The following CELA3A variants were observed in gnomAD, a reference collection of about 807,000 sequenced individuals.
The protein encoded by CELA3A is chymotrypsin-like elastase family member 3A.
A neutral mutation model predicts 38.6 loss-of-function variants in CELA3A; 35 were observed. The observed-to-expected ratio is 0.91, with a 90% confidence interval of 0.69 to 1.20. The LOEUF is 1.20. CELA3A is among the 50% of genes most tolerant of loss of function. CELA3A has a pLI of 0.00. For synonymous variants in CELA3A, 143 were observed against 136.7 expected, an observed-to-expected ratio of 1.05 and a Z score of -0.32; for missense variants, 343 against 354.2, an observed-to-expected ratio of 0.97 and a Z score of 0.25.
At chr1:22,010,568 A>T (rs915503612) in intron 7 of CELA3A, 9 of 178,038 alleles carry the variant, frequency 5.1e-5, no homozygotes, top group African/African-American at 2.3e-4. Context: ...GTTAGTCGAG[A>T]TCATACCACT....
chr1:22,006,736 AT>A lies in CELA3A; in HGVS notation c.363-141del. The A allele has an allele frequency of 4.2e-6, 3 of 711,312 alleles. 1 individual carries two copies. Among genetic ancestry groups the A allele is most frequent in the Non-Finnish European group, 6.7e-6 (3 of 450,876 alleles). The allele number at this position is 711,312 out of a possible 1,614,324, so 44.1% of individuals were successfully genotyped here. A position where few individuals can be genotyped will look rare whatever the true frequency, so the allele number is the denominator to read the frequency against. On this transcript the variant is annotated intron_variant, in intron 4 of 7. Coordinates refer to ENST00000290122, the MANE Select transcript of CELA3A (RefSeq NM_005747.5). ...TGTCTCAATAATAATAATAATAATAATAATAATGATGATGAAAGAGTGGATT... is the reference window on the plus strand; with the variant it reads ...TGTCTCAATAATAATAATAATAATAAAATAATGATGATGAAAGAGTGGATT...
rs544146568 is a variant in CELA3A, at chr1:22,005,023, C to G, written c.130-424C>G. 8.0e-5 allele frequency among the ~76,000 whole-genome samples: 12 copies of G among 150,062 alleles called. 2 individuals are homozygous for G. The highest frequency in any genetic ancestry group is 1.3e-4 in the Non-Finnish European group (9 of 67,664). On this transcript the variant is annotated intron_variant, in intron 2 of 7. Transcript: ENST00000290122. ...CTGAGACAGGAGAATCGCTTGAACC[C>G]GGGAGGCGGAGGTTGAAATGAGCTG...
chr1:22,011,260 G>C (rs899469536), intron 7 of CELA3A, among the ~76,000 whole-genome samples: 1 of 148,180 alleles, frequency 6.7e-6, no homozygotes, highest in Admixed American at 6.7e-5. Context: ...GCATGCCTGT[G>C]GTCCCAGCTA....
At position 22,006,975 on chromosome 1, in the gene CELA3A, A is replaced by C. The variant is rs143596163; in HGVS notation, c.460A>C (p.Lys154Gln). 1.1e-4 allele frequency: 176 copies of C among 1,611,234 alleles called. 10 individuals are homozygous for C. In the African/African-American group the frequency reaches 2.0e-3, roughly 18 times the overall value. The part of the protein sequence containing the change: ...LPPAGDILPN[K>Q]TPCYITGWGR... ...TCCCGCTGGTGACATCCTTCCCAAC[A>C]AGACACCCTGCTACATCACCGGCTG... Residue 154 changes from lysine to glutamine, a missense_variant, in exon 5 of 8, where the codon AAG (lysine) becomes CAG (glutamine). Physicochemically the swap from Lys to Gln is moderately conservative, Grantham distance 53 (BLOSUM62 1). Coordinates refer to ENST00000290122, the MANE Select transcript of CELA3A (RefSeq NM_005747.5).
rs537141085 is a variant in CELA3A at position 22,012,153 on chromosome 1, G to A, written c.796-297G>A. Among the ~76,000 whole-genome samples, 2 of 124,644 alleles carry A rather than the reference G, an allele frequency of 1.6e-5. 1 individual carries two copies. The highest frequency in any genetic ancestry group is 4.9e-4 in the South Asian group (2 of 4,050). The allele number at this position is 124,644 out of a possible 152,430, so 81.8% of individuals were successfully genotyped here. ...CATACGTATATATACACACAAATAC[G>A]TATATATATACACACACACATATAC... On this transcript the variant is annotated intron_variant, in intron 7 of 7. Coordinates refer to ENST00000290122, the MANE Select transcript of CELA3A (RefSeq NM_005747.5).
At chr1:22,009,472 G>A (rs1271034076) in intron 6 of CELA3A, among the ~76,000 whole-genome samples, 1 of 151,300 alleles carries the variant, frequency 6.6e-6, no homozygotes, top group Middle Eastern at 3.2e-3. Context: ...TTGAACCTGG[G>A]AGCCGGGAGA....
chr1:22,002,035 A>AC (rs1644921590), intron 1 of CELA3A, among the ~76,000 whole-genome samples: 1 of 150,888 alleles, frequency 6.6e-6, no homozygotes, highest in African/African-American at 2.5e-5. Context: ...AGTTCTACTT[A>AC]CCACTCCAAC....
Position 22,007,495 on chromosome 1 carries a change from T to C in CELA3A, c.622T>C (p.Tyr208His), listed in dbSNP as rs112024506. ...VKKTMVCAGG[Y>H]IRSGCNGDSG... ...GAAAACCATGGTGTGTGCTGGAGGGTACATCCGCTCCGGCTGCAACGTGAG... is the reference window on the plus strand; with the variant it reads ...GAAAACCATGGTGTGTGCTGGAGGGCACATCCGCTCCGGCTGCAACGTGAG... The change falls in exon 6 of 8, where the codon TAC (tyrosine) becomes CAC (histidine). Residue 208 changes from tyrosine (Y) to histidine (H), a missense_variant. By Grantham distance (83) the Tyr-to-His change is moderately conservative. Transcript: ENST00000290122. The C allele has an allele frequency of 3.7e-6, 6 of 1,603,422 alleles. No individual in the cohort carries two copies. The African/African-American group carries it at 4.1e-5, about 11-fold the overall frequency.
Position 22,005,724 on chromosome 1 carries a change from A to G in CELA3A, c.290A>G (p.Glu97Gly). The change falls in exon 4 of 8, where the codon GAG (glutamate) becomes GGG (glycine). Residue 97 changes from glutamate (E) to glycine (G), a missense_variant. By Grantham distance (98) the Glu-to-Gly change is moderately conservative. Transcript: ENST00000290122. ...AACCTTGCTGTGAAGGAGGGCCCCG[A>G]GCAGGTGATCCCCATCAACTCTGAG... ...EYNLAVKEGP[E>G]QVIPINSEEL... The G allele has an allele frequency of 6.2e-7, 1 of 1,612,320 alleles. No individual in the cohort carries two copies. Among genetic ancestry groups the G allele is most frequent in the Admixed American group, 1.7e-5 (1 of 59,906 alleles).
In CELA3A at chr1:22,003,016, C is replaced by T. The variant is rs1204853001; in HGVS notation, c.57C>T (p.Gly19=). Residue 19 remains glycine (G), a synonymous_variant, in exon 2 of 8, where the codon GGC becomes GGT. Transcript: ENST00000290122. ...TCTCCCCTCTAGCCTCAGGCTATGG[C>T]CCACCTTCCTCTCACTCTTCCAGCC... The part of the protein sequence containing the change: ...LLLVAVASGY[G]PPSSHSSSRV... 6.3e-7 allele frequency: 1 copy of T among 1,575,650 alleles called. No homozygotes were observed. Among genetic ancestry groups the T allele is most frequent in the Admixed American group, 1.7e-5 (1 of 58,766 alleles).
chr1:22,010,306 T>G, intron 7 of CELA3A: 1 of 345,554 alleles, frequency 2.9e-6, no homozygotes, highest in East Asian at 7.7e-5. Context: ...GTAACAGTAA[T>G]AGCTAAACAA....
At chr1:22,008,913 C>T (rs1248267168) in intron 6 of CELA3A, among the ~76,000 whole-genome samples, 4 of 151,860 alleles carry the variant, frequency 2.6e-5, no homozygotes, top group African/African-American at 4.9e-5. Context: ...CATGTAATTC[C>T]CTAGGCTCTT....
chr1:22,008,970 C>T (rs1261479101), intron 6 of CELA3A, among the ~76,000 whole-genome samples: 9 of 151,732 alleles, frequency 5.9e-5, no homozygotes, highest in African/African-American at 1.7e-4. Context: ...GCTGGCTGGG[C>T]GTGGTGGCTC....
rs1372854687 is a variant in CELA3A, at chr1:22,003,733, T to C, written c.129+645T>C. On this transcript the variant is annotated intron_variant, in intron 2 of 7. Transcript: ENST00000290122. ...ATTACTATTATTATTGAGACAGAGT[T>C]TCACTCTTGTTGCCCAGGCTGAAGT... is the stretch of plus-strand genomic sequence containing the variant. Among the ~76,000 whole-genome samples, 24 of 151,092 alleles carry C rather than the reference T, an allele frequency of 1.6e-4. 3 individuals are homozygous for C. Among genetic ancestry groups the C allele is most frequent in the Admixed American group, 1.6e-3 (24 of 15,210 alleles).
At chr1:22,002,361 A>G (rs1359198358) in intron 1 of CELA3A, among the ~76,000 whole-genome samples, 2 of 150,754 alleles carry the variant, frequency 1.3e-5, no homozygotes, top group African/African-American at 4.9e-5. Flanking sequence ...TAATGTTTTT[A>G]TTTTTTGCTT....
chr1:22,002,406 C>T, intron 1 of CELA3A: 1 of 405,294 alleles, frequency 2.5e-6, no homozygotes, highest in South Asian at 1.8e-5. Context: ...CTTTGTTGCC[C>T]AGACTGGTCT....
intron 6 of CELA3A, among the ~76,000 whole-genome samples, 187 bp downstream of exon 6, chr1:22,007,702 G>A (rs11585960): frequency 0.061 from 8,672 of 141,016 alleles, 1,105 homozygotes; most frequent in African/African-American, 0.21. Flanking sequence ...GGACCCCCGG[G>A]TTGCAGTCTC....
At chr1:22,002,585 C>G (rs534357293) in intron 1 of CELA3A, 1 of 456,200 alleles carries the variant, frequency 2.2e-6, no homozygotes, top group South Asian at 1.5e-5. Flanking sequence ...TCAAGCGATC[C>G]TCCCGCCTCG....
chr1:22,006,217 G>A lies in CELA3A; in HGVS notation c.362+421G>A, dbSNP rs148787244. 132 of 214,496 alleles carry A rather than the reference G, an allele frequency of 6.2e-4. No homozygotes were observed. In the East Asian group the frequency reaches 0.013, roughly 22 times the overall value. The allele number at this position is 214,496 out of a possible 1,614,324, so 13.3% of individuals were successfully genotyped here. A position where few individuals can be genotyped will look rare whatever the true frequency, so the allele number is the denominator to read the frequency against. ...GCACTGGGCTGAGAGTCAGGCTCTG[G>A]CATTAACTCTGTGTATGGCCTGAGC... On this transcript the variant is annotated intron_variant, in intron 4 of 7. Coordinates refer to ENST00000290122, the MANE Select transcript of CELA3A (RefSeq NM_005747.5).
Sources: gnomAD v4.1 joint callset for allele counts (sites outside exome capture counted in the v4.1 genomes callset) on GRCh38, gnomAD v4.1.1 for gene constraint, MANE v1.5 for transcripts, NCBI Gene and HGNC (gene_info 2026-07-23, HGNC 2026-07-21) for gene names.